DNAJC13: variants seen among roughly 807,000 people sequenced by gnomAD.
DNAJC13 encodes the protein DnaJ heat shock protein family (Hsp40) member C13, also known as dnaJ homolog subfamily C member 13.
DNAJC13 carries 75 observed loss-of-function variants against 290.5 expected under a neutral mutation model. The ratio of observed to expected loss-of-function variants is 0.26; its 90% CI spans 0.21 to 0.31. The LOEUF (loss-of-function observed/expected upper bound fraction) is 0.31. DNAJC13 is among the 10% of genes least tolerant of loss of function. The pLI, the probability that DNAJC13 is intolerant of heterozygous loss-of-function variation, is 1.00. For missense variants in DNAJC13, 2,260 were observed against 2,674.5 expected, an observed-to-expected ratio of 0.85 and a Z score of 3.42; for synonymous variants, 862 against 892.0, an observed-to-expected ratio of 0.97 and a Z score of 0.60.
Position 132,440,348 on chromosome 3 carries a change from C to T in DNAJC13, c.68+5730C>T, listed in dbSNP as rs114275829. Among the ~76,000 whole-genome samples, 1,037 of 152,304 alleles carry T rather than the reference C, an allele frequency of 6.8e-3. 7 individuals carry two copies. The highest frequency in any genetic ancestry group is 0.023 in the African/African-American group (964 of 41,548). On this transcript the variant is annotated intron_variant, in intron 2 of 55. Coordinates refer to ENST00000260818, the MANE Select transcript of DNAJC13 (RefSeq NM_015268.4). ...TGGAGTTTTGGGATTCCCCACTCTC[C>T]GTTAGTCAACTAGTGGAATAATAGC...
In DNAJC13 at chr3:132,490,939, A is replaced by T; in HGVS notation, c.3511A>T (p.Ile1171Phe). The T allele has an allele frequency of 3.1e-6, 5 of 1,611,452 alleles. No individual in the cohort carries two copies. Among genetic ancestry groups the T allele is most frequent in the Non-Finnish European group, 4.2e-6 (5 of 1,179,076 alleles). Residue 1171 changes from isoleucine to phenylalanine, a missense_variant, in exon 32 of 56, where the codon ATT becomes TTT. This residue lies in a region of DNAJC13 where 1,494 missense variants were observed against 1,693.7 expected (regional missense o/e 0.88). Coordinates refer to ENST00000260818, the MANE Select transcript of DNAJC13 (RefSeq NM_015268.4). The stretch of plus-strand genomic sequence containing the variant: ...TTTTCAGAGAAGTATACTTGGGCAC[A>T]TTCTACCTGAAGCAATGGTTTGTTA... ...DIFQRSILGH[I>F]LPEAMVCYLE...
In DNAJC13 at chr3:132,470,854, C is replaced by A. The variant is rs1383893171; in HGVS notation, c.2209-2291C>A. Among the ~76,000 whole-genome samples, 2 of 135,556 alleles carry A rather than the reference C, an allele frequency of 1.5e-5. 1 individual carries two copies. Among genetic ancestry groups the A allele is most frequent in the Non-Finnish European group, 3.2e-5 (2 of 61,896 alleles). The allele number at this position is 135,556 out of a possible 152,430, so 88.9% of individuals were successfully genotyped here. On this transcript the variant is annotated intron_variant, in intron 20 of 55. Coordinates refer to ENST00000260818, the MANE Select transcript of DNAJC13 (RefSeq NM_015268.4). ...GCCAGGCGGGGGGCTGATCCCCCCA[C>A]CTCCCTCCCGGACAGGGCGGCCGGC...
intron 43 of DNAJC13, among the ~76,000 whole-genome samples, chr3:132,507,601 T>G (rs1402622792): frequency 6.6e-6 from 1 of 152,190 alleles, no homozygotes; most frequent in Non-Finnish European, 1.5e-5. Context: ...CTCTCAATAT[T>G]TCACACTTTT....
chr3:132,495,220 T>G, intron 35 of DNAJC13, 54 bp downstream of exon 35: 1 of 1,408,754 alleles, frequency 7.1e-7, no homozygotes, highest in South Asian at 1.2e-5. Flanking sequence ...TCTATTATTA[T>G]GTAGTTGGAG....
chr3:132,500,718 G>A, intron 38 of DNAJC13, 76 bp from the exon 39 acceptor site: 1 of 1,583,246 alleles, frequency 6.3e-7, no homozygotes, highest in Non-Finnish European at 8.6e-7. Context: ...ATTTCTGCTG[G>A]TTTGATTTCT....
At position 132,471,861 on chromosome 3, in the gene DNAJC13, T is replaced by C. The variant is rs1397697210; in HGVS notation, c.2209-1284T>C. Among the ~76,000 whole-genome samples, 10 of 146,878 alleles carry C rather than the reference T, an allele frequency of 6.8e-5. No homozygotes were observed. In the Admixed American group the frequency reaches 6.9e-4, roughly 10 times the overall value. ...GACGGGGTGGCGGCCGGGCAGAGGC[T>C]GCAATCTCGGCACTTTGGGAGGCCA... On this transcript the variant is annotated intron_variant, in intron 20 of 55. Coordinates refer to ENST00000260818, the MANE Select transcript of DNAJC13 (RefSeq NM_015268.4).
chr3:132,484,197 A>G (rs901247681), intron 28 of DNAJC13, among the ~76,000 whole-genome samples: 1 of 152,252 alleles, frequency 6.6e-6, no homozygotes, highest in East Asian at 1.9e-4. Context: ...AGGTAGCATT[A>G]AAATTAAAGC....
In DNAJC13 at chr3:132,488,997, C is replaced by G. The variant is rs372769203; in HGVS notation, c.3444C>G (p.Thr1148=). ...CTAGATTTTTGAAATACACACATAC[C>G]AAACAGGCTTTCAAGTCAGAAGAGG... ...PVARFLKYTH[T]KQAFKSEETK... Residue 1148 remains threonine (T), a synonymous_variant, in exon 31 of 56, where the codon ACC becomes ACG. Coordinates refer to ENST00000260818, the MANE Select transcript of DNAJC13 (RefSeq NM_015268.4). 2.5e-6 allele frequency: 4 copies of G among 1,609,892 alleles called. No individual in the cohort carries two copies. The highest frequency in any genetic ancestry group is 1.7e-4 in the Middle Eastern group (1 of 6,042).
At chr3:132,510,442 C>CA (rs1935739693) in intron 43 of DNAJC13, among the ~76,000 whole-genome samples, 1 of 152,002 alleles carries the variant, frequency 6.6e-6, no homozygotes, top group Admixed American at 6.6e-5. Context: ...AGGCTGGTCT[C>CA]AAACTCCTGG....
At chr3:132,525,929 A>G (rs929168701) in intron 52 of DNAJC13, 140 bp downstream of exon 52, 25 of 1,198,862 alleles carry the variant, frequency 2.1e-5, no homozygotes, top group Non-Finnish European at 2.8e-5. Flanking sequence ...GTATTTTATT[A>G]GTTCTGGGTT....
chr3:132,446,448 A>T, intron 2 of DNAJC13, 27 bp from the exon 3 acceptor site: 1 of 1,558,802 alleles, frequency 6.4e-7, no homozygotes, highest in Non-Finnish European at 8.7e-7. Context: ...TTTAAAACTA[A>T]ATTTAAGCAC....
At chr3:132,439,873 A>G (rs1357584754) in intron 2 of DNAJC13, among the ~76,000 whole-genome samples, 1 of 152,216 alleles carries the variant, frequency 6.6e-6, no homozygotes, top group Non-Finnish European at 1.5e-5. Flanking sequence ...TTTCAAGTCA[A>G]GTTTCCACTA....
rs773872112 is a variant in DNAJC13, at chr3:132,526,296, A to G, written c.6381+15A>G. The G allele has an allele frequency of 1.1e-5, 18 of 1,613,452 alleles. No homozygotes were observed. The highest frequency in any genetic ancestry group is 1.5e-5 in the Non-Finnish European group (18 of 1,179,706). On this transcript the variant is annotated intron_variant, in intron 53 of 55. Coordinates refer to ENST00000260818, the MANE Select transcript of DNAJC13 (RefSeq NM_015268.4). ...TAGTAGCACAAGTAAGTGACTTTCT[A>G]GATTTAGCACTATTTTAGGAAAGCA...
chr3:132,484,458 G>A (rs1184582298), intron 28 of DNAJC13, 130 bp from the exon 29 acceptor site: 1 of 743,836 alleles, frequency 1.3e-6, no homozygotes, highest in East Asian at 2.7e-5. Context: ...GTTCCCAGCT[G>A]TATGAGAGCT....
chr3:132,439,983 C>T (rs774962828), intron 2 of DNAJC13, among the ~76,000 whole-genome samples: 9 of 152,174 alleles, frequency 5.9e-5, no homozygotes, highest in Non-Finnish European at 8.8e-5. Flanking sequence ...ATGGGCTGGA[C>T]GCAGTGGCTC....
chr3:132,498,229 A>C (rs1559898956), intron 36 of DNAJC13, among the ~76,000 whole-genome samples: 1 of 152,002 alleles, frequency 6.6e-6, no homozygotes, highest in Non-Finnish European at 1.5e-5. Context: ...AAATACTGGT[A>C]AAACTTTAAG....
chr3:132,460,424 G>A, intron 14 of DNAJC13, 67 bp downstream of exon 14: 1 of 1,127,112 alleles, frequency 8.9e-7, no homozygotes. Context: ...TTCTAGAAGT[G>A]CCACGTGGAT....
Position 132,482,295 on chromosome 3 carries a change from G to T in DNAJC13, c.2944G>T (p.Asp982Tyr), listed in dbSNP as rs761706947. The change falls in exon 27 of 56, where the codon GAC (aspartate) becomes TAC (tyrosine). Residue 982 changes from aspartate to tyrosine, a missense_variant. Coordinates refer to ENST00000260818, the MANE Select transcript of DNAJC13 (RefSeq NM_015268.4). ...SEKEWYFGNA[D>Y]KERSGPYGFH... ...AAAGGAATGGTATTTTGGCAACGCAGACAAAGAAAGGAGTGGCCCGTATGG... is the reference window on the plus strand; with the variant it reads ...AAAGGAATGGTATTTTGGCAACGCATACAAAGAAAGGAGTGGCCCGTATGG... The T allele has an allele frequency of 3.1e-6, 5 of 1,613,808 alleles. No individual in the cohort carries two copies. The highest frequency in any genetic ancestry group is 4.2e-6 in the Non-Finnish European group (5 of 1,179,784).
intron 39 of DNAJC13, among the ~76,000 whole-genome samples, chr3:132,501,770 G>A (rs1412394962): frequency 2.0e-5 from 3 of 152,098 alleles, no homozygotes; most frequent in Non-Finnish European, 4.4e-5. Context: ...TGGGCAGAGT[G>A]AGAATTGTCT....
Sources: gnomAD v4.1 joint callset for allele counts (sites outside exome capture counted in the v4.1 genomes callset) on GRCh38, gnomAD v4.1.1 for gene constraint, gnomAD v4.1.1 regional missense constraint, MANE v1.5 for transcripts, NCBI Gene and HGNC (gene_info 2026-07-23, HGNC 2026-07-21) for gene names.